Variants in CFP observed in about 807,000 individuals in gnomAD.
The protein encoded by CFP is properdin.
Under a neutral mutation model 42.1 loss-of-function variants are expected in CFP, and 14 were observed. The ratio of observed to expected loss-of-function variants is 0.33; its 90% CI spans 0.22 to 0.52. CFP has a LOEUF of 0.52. CFP is among the 20% of genes least tolerant of loss of function. CFP has a pLI of 0.96. For synonymous variants in CFP, 149 were observed against 160.6 expected, an observed-to-expected ratio of 0.93 and a Z score of 0.54; for missense variants, 318 against 400.4, an observed-to-expected ratio of 0.79 and a Z score of 1.76.
At chrX:47,626,672 A>G in intron 6 of CFP, 101 bp downstream of exon 6, 1 of 1,073,537 alleles carries the variant, frequency 9.3e-7, no homozygotes, top group Non-Finnish European at 1.3e-6. Context: ...CCAGGAAAGG[A>G]GGAATCAGAG....
chrX:47,627,614 G>A lies in CFP; in HGVS notation c.431C>T (p.Pro144Leu). The change falls in exon 4 of 9, where the codon CCC (proline) becomes CTC (leucine). Residue 144 changes from proline (P) to leucine (L), a missense_variant. Physicochemically the swap from Pro to Leu is moderately conservative, Grantham distance 98 (BLOSUM62 -3). Transcript: ENST00000396992. The stretch of plus-strand genomic sequence containing the variant: ...GCAGGTGACAGAGCAAGGCTCCCAG[G>A]GCCCCCAGCCAGACCAGCCGCCCAT... ...PEMGGWSGWG[P>L]WEPCSVTCSK... The A allele has an allele frequency of 1.7e-6, 2 of 1,201,921 alleles. No individual in the cohort carries two copies. The highest frequency in any genetic ancestry group is 1.7e-5 in the African/African-American group (1 of 57,772).
At chrX:47,625,023 T>C (rs1228933306) in intron 8 of CFP, 2 of 111,926 alleles carry the variant, frequency 1.8e-5, no homozygotes, top group Non-Finnish European at 3.8e-5. Flanking sequence ...ACCCAATGCC[T>C]TGTCCTGACA....
At chrX:47,630,044 C>A (rs6609541), upstream of CFP, 7,863 of 454,342 alleles carry the variant, frequency 0.017, 224 homozygotes, top group African/African-American at 0.089. Context: ...TGGTCTTGTT[C>A]TGTTTGTTAC....
chrX:47,629,069 C>T, intron 2 of CFP: 1 of 157,930 alleles, frequency 6.3e-6, no homozygotes, highest in Non-Finnish European at 1.2e-5. Flanking sequence ...ATACAGTAAG[C>T]ACTCAATAAA....
chrX:47,627,520 T>C lies in CFP; in HGVS notation c.525A>G (p.Pro175=), dbSNP rs747792199. Residue 175 remains proline, a synonymous_variant, in exon 4 of 9, where the codon CCA becomes CCG. Coordinates refer to ENST00000396992, the MANE Select transcript of CFP (RefSeq NM_001145252.3). Reference sequence around the variant, plus strand: ...AGGCCTCTGATTCCTGTGCCTGTCCTGGGCAGTGGCCCCCACACTTGGGAG... The same window carrying C: ...AGGCCTCTGATTCCTGTGCCTGTCCCGGGCAGTGGCCCCCACACTTGGGAG... ...HPAPKCGGHC[P]GQAQESEACD... 1.7e-6 allele frequency: 2 copies of C among 1,210,148 alleles called. No homozygotes were observed. Among genetic ancestry groups the C allele is most frequent in the South Asian group, 3.5e-5 (2 of 56,618 alleles).
intron 2 of CFP, 35 bp downstream of exon 2, chrX:47,629,489 C>G: frequency 1.5e-5 from 10 of 654,435 alleles, no homozygotes; most frequent in Non-Finnish European, 2.4e-5. Context: ...CAGTCCTTCC[C>G]TCCCCCCCAT....
chrX:47,628,960 T>C, intron 2 of CFP: 1 of 154,795 alleles, frequency 6.5e-6, no homozygotes, highest in Non-Finnish European at 1.3e-5. Flanking sequence ...GCAGCTGGTA[T>C]ACAGGGAGTG....
chrX:47,630,005 T>C (rs1002578452), upstream of CFP: 5 of 507,923 alleles, frequency 9.8e-6, no homozygotes, highest in African/African-American at 1.2e-4. Flanking sequence ...CCTTCTCTAC[T>C]CTCCCCTCCC....
chrX:47,628,211 C>G lies in CFP; in HGVS notation c.294G>C (p.Gln98His), dbSNP rs149808100. The change falls in exon 3 of 9, where the codon CAG (glutamine) becomes CAC (histidine). Residue 98 changes from glutamine to histidine, a missense_variant. Coordinates refer to ENST00000396992, the MANE Select transcript of CFP (RefSeq NM_001145252.3). ...AGCCCACACAGCGCCGGTACCGCAG[C>G]TGGGAGCCCTCAGAGCACGTCACCG... is the stretch of plus-strand genomic sequence containing the variant. ...PCSVTCSEGS[Q>H]LRYRRCVGWN... 3 of 1,209,652 alleles carry G rather than the reference C, an allele frequency of 2.5e-6. No individual in the cohort carries two copies. In the African/African-American group the frequency reaches 5.3e-5, roughly 21 times the overall value.
chrX:47,629,662 A>G lies in CFP; in HGVS notation c.89T>C (p.Val30Ala). 3.0e-6 allele frequency: 3 copies of G among 1,007,974 alleles called. No individual in the cohort carries two copies. The highest frequency in any genetic ancestry group is 4.0e-6 in the Non-Finnish European group (3 of 750,302). 83.1% of individuals were successfully genotyped at this position (1,007,974 alleles called of 1,213,427 possible). ...TTCTTCATACTGGGTGAAGCAGAGC[A>G]CGGGGTCTGAGCCTGTAACAGGGCC... is the stretch of plus-strand genomic sequence containing the variant. ...LTLPATGSDPVLCFTQYEESS... is the reference protein window; with the variant it reads ...LTLPATGSDPALCFTQYEESS... Residue 30 changes from valine (V) to alanine (A), a missense_variant, in exon 2 of 9, where the codon GTG becomes GCG. Val to Ala is a moderately conservative substitution (Grantham distance 64). Transcript: ENST00000396992.
chrX:47,627,224 T>A lies in CFP; in HGVS notation c.683A>T (p.Glu228Val). The part of the protein sequence containing the change: ...ETRSRKCSAP[E>V]PSQKPPGKPC... ...CTTCCCAGGAGGTTTCTGGGAGGGCTCAGGTGCAGAACACTTGCGGCTTCG... is the reference window on the plus strand; with the variant it reads ...CTTCCCAGGAGGTTTCTGGGAGGGCACAGGTGCAGAACACTTGCGGCTTCG... The change falls in exon 5 of 9, where the codon GAG becomes GTG. Residue 228 changes from glutamate (E) to valine (V), a missense_variant. Glu to Val is a moderately radical substitution (Grantham distance 121). Coordinates refer to ENST00000396992, the MANE Select transcript of CFP (RefSeq NM_001145252.3). The A allele has an allele frequency of 8.3e-7, 1 of 1,211,499 alleles. No individual in the cohort carries two copies. The highest frequency in any genetic ancestry group is 1.1e-6 in the Non-Finnish European group (1 of 895,269).
In CFP at chrX:47,629,822, G is replaced by A; in HGVS notation, c.23C>T (p.Ala8Val). 3.4e-6 allele frequency: 4 copies of A among 1,167,850 alleles called. No individual in the cohort carries two copies. In the East Asian group the frequency reaches 9.7e-5, roughly 28 times the overall value. MITEGAQ[A>V]PRLLLPPLLL... ...CAGCGGCGGCAGCAACAATCGAGGG[G>A]CCTGCGCTCCCTCTGTGATCATGTT... Residue 8 changes from alanine to valine, a missense_variant, in exon 1 of 9, where the codon GCC becomes GTC. Ala to Val is a moderately conservative substitution (Grantham distance 64). Transcript: ENST00000396992.
rs1258773335 is a variant in CFP, at chrX:47,627,299, G to C, written c.608C>G (p.Thr203Ser). The change falls in exon 5 of 9, where the codon ACC (threonine) becomes AGC (serine). Residue 203 changes from threonine (T) to serine (S), a missense_variant. Physicochemically the swap from Thr to Ser is moderately conservative, Grantham distance 58 (BLOSUM62 1). Transcript: ENST00000396992. ...HGAWATWGPW[T>S]PCSASCHGGP... ...ACCGTGGCAGGAGGCTGAGCAGGGG[G>C]TCCAGGGGCCCCAGGTGGCCCAGGC... 3 of 1,203,909 alleles carry C rather than the reference G, an allele frequency of 2.5e-6. No homozygotes were observed. The highest frequency in any genetic ancestry group is 3.4e-6 in the Non-Finnish European group (3 of 890,642).
At chrX:47,624,579 G>A (rs1459745169) in intron 8 of CFP, 139 bp from the exon 9 acceptor site, 7 of 500,170 alleles carry the variant, frequency 1.4e-5, no homozygotes, top group Middle Eastern at 6.1e-4. Context: ...TTTTGAGGCA[G>A]GGTCTCACTC....
chrX:47,627,077 C>T (rs1423042464), intron 5 of CFP, 64 bp downstream of exon 5: 2 of 1,174,013 alleles, frequency 1.7e-6, no homozygotes, highest in African/African-American at 3.5e-5. Flanking sequence ...CTAGAAATGG[C>T]AGAGCATCTC....
chrX:47,624,234 G>A lies in CFP; in HGVS notation c.*41C>T. On this transcript the variant is annotated 3_prime_UTR_variant, in exon 9 of 9. Transcript: ENST00000396992. ...GAACTCGAAGAGGCTAGTTTATTGAGGTTTGGAAGGTCAGGGGGCTCAGAG... is the reference window on the plus strand; with the variant it reads ...GAACTCGAAGAGGCTAGTTTATTGAAGTTTGGAAGGTCAGGGGGCTCAGAG... 1 of 1,196,453 alleles carries A rather than the reference G, an allele frequency of 8.4e-7. No individual in the cohort carries two copies. Among genetic ancestry groups the A allele is most frequent in the Non-Finnish European group, 1.1e-6 (1 of 881,782 alleles).
Position 47,624,258 on chromosome X carries a change from A to C in CFP, c.*17T>G. 1 of 1,209,032 alleles carries C rather than the reference A, an allele frequency of 8.3e-7. No individual in the cohort carries two copies. The highest frequency in any genetic ancestry group is 1.1e-6 in the Non-Finnish European group (1 of 893,291). On this transcript the variant is annotated 3_prime_UTR_variant, in exon 9 of 9. Transcript: ENST00000396992. ...AGGTTTGGAAGGTCAGGGGGCTCAG[A>C]GTGGAGGAGAGAAGTGTTAGAGTTC...
rs1456792416 is a variant in CFP, at chrX:47,623,667, G to A, written c.*608C>T. On this transcript the variant is annotated 3_prime_UTR_variant, in exon 9 of 9. Coordinates refer to ENST00000396992, the MANE Select transcript of CFP (RefSeq NM_001145252.3). ...CTCGGCCCGCCCCCCGCCTCGCCGA[G>A]CTATTTGTCGCTGGTAATTGTGGCA... 1 of 115,434 alleles carries A rather than the reference G, an allele frequency of 8.7e-6. No individual in the cohort carries two copies. Among genetic ancestry groups the A allele is most frequent in the African/African-American group, 3.2e-5 (1 of 30,967 alleles). 9.5% of individuals were successfully genotyped at this position (115,434 alleles called of 1,213,427 possible).
At chrX:47,626,589 G>A in intron 6 of CFP, 70 bp from the exon 7 acceptor site, 3 of 1,128,359 alleles carry the variant, frequency 2.7e-6, no homozygotes, top group Non-Finnish European at 3.6e-6. Context: ...AGGAAGGAAT[G>A]AGGGCGGTAG....
Sources: allele counts gnomAD v4.1 joint callset, GRCh38; gene constraint gnomAD v4.1.1; transcripts MANE v1.5; gene names NCBI Gene and HGNC (gene_info 2026-07-23, HGNC 2026-07-21).